Variants in ZNF385B observed in about 807,000 individuals in gnomAD.
ZNF385B encodes the protein zinc finger protein 385B, also known as zinc finger protein 533.
ZNF385B carries 23 observed loss-of-function variants against 39.2 expected under a neutral mutation model. The ratio of observed to expected loss-of-function variants is 0.59; its 90% confidence interval spans 0.42 to 0.83. The LOEUF (loss-of-function observed/expected upper bound fraction) is 0.83. ZNF385B is among the 40% of genes least tolerant of loss of function. The pLI is 0.00. For missense variants in ZNF385B, 552 were observed against 598.9 expected (o/e 0.92, Z 0.82); for synonymous variants, 205 against 222.6 (o/e 0.92, Z 0.70).
chr2:179,841,842 G>A (rs1209205382), intron 1 of ZNF385B, among the ~76,000 whole-genome samples: 1 of 152,200 alleles, frequency 6.6e-6, no homozygotes, highest in African/African-American at 2.4e-5. Context: ...TGATGTCCTA[G>A]AACCAGATGA....
intron 1 of ZNF385B, among the ~76,000 whole-genome samples, chr2:179,807,027 G>A (rs1706395176): frequency 6.6e-6 from 1 of 152,212 alleles, no homozygotes; most frequent in South Asian, 2.1e-4. Context: ...CGGAAGATAT[G>A]TATTCTTAAT....
At chr2:179,678,432 T>C (rs1378930396) in intron 3 of ZNF385B, among the ~76,000 whole-genome samples, 1 of 152,202 alleles carries the variant, frequency 6.6e-6, no homozygotes, top group Non-Finnish European at 1.5e-5. Context: ...GGTACTATAT[T>C]TCCTTAAAGG....
At chr2:179,444,783 T>C (rs2049299085) in intron 9 of ZNF385B, 93 bp downstream of exon 9, 1 of 1,055,226 alleles carries the variant, frequency 9.5e-7, no homozygotes, top group Non-Finnish European at 1.5e-6. Context: ...AAACCTTTCA[T>C]GACATTAGAC....
At chr2:179,488,855 G>A (rs2054902701) in intron 5 of ZNF385B, among the ~76,000 whole-genome samples, 1 of 152,086 alleles carries the variant, frequency 6.6e-6, no homozygotes, top group Non-Finnish European at 1.5e-5. Context: ...ACTAACAAAG[G>A]GGAAACCTGA....
chr2:179,629,328 A>G (rs1271305934), intron 3 of ZNF385B, among the ~76,000 whole-genome samples: 1 of 152,218 alleles, frequency 6.6e-6, no homozygotes, highest in Non-Finnish European at 1.5e-5. Flanking sequence ...AATGTTGCCA[A>G]TTTATTACAG....
chr2:179,622,819 G>C (rs1690326664), intron 3 of ZNF385B, among the ~76,000 whole-genome samples: 1 of 152,196 alleles, frequency 6.6e-6, no homozygotes, highest in African/African-American at 2.4e-5. Flanking sequence ...AGAAGCAGCT[G>C]TAGAGAGGAC....
rs141613824 is a variant in ZNF385B at position 179,493,526 on chromosome 2, T to C, written c.553-10092A>G. 5.3e-3 allele frequency among the ~76,000 whole-genome samples: 802 copies of C among 151,328 alleles called. 11 individuals carry two copies. The highest frequency in any genetic ancestry group is 0.018 in the African/African-American group (757 of 41,314). On this transcript the variant is annotated intron_variant, in intron 5 of 9. Transcript: ENST00000410066. ...ACATATATGCGTATACATATGTGTG[T>C]ACATATATGCGTATACATACGTGTA...
chr2:179,801,376 C>G (rs1375717438), intron 1 of ZNF385B, among the ~76,000 whole-genome samples: 1 of 152,016 alleles, frequency 6.6e-6, no homozygotes, highest in Non-Finnish European at 1.5e-5. Context: ...CAGTAACTTC[C>G]CCTTACCTAG....
chr2:179,477,219 G>T (rs540719804), intron 6 of ZNF385B, among the ~76,000 whole-genome samples: 23 of 152,220 alleles, frequency 1.5e-4, no homozygotes, highest in Non-Finnish European at 2.6e-4. Context: ...TGAGGCGAGG[G>T]TCTCCATTTG....
intron 1 of ZNF385B, among the ~76,000 whole-genome samples, chr2:179,836,913 T>C (rs1575578860): frequency 6.6e-6 from 1 of 152,302 alleles, no homozygotes; most frequent in East Asian, 1.9e-4. Flanking sequence ...GGGAATCCAA[T>C]TGCTGCTTCA....
intron 6 of ZNF385B, among the ~76,000 whole-genome samples, chr2:179,456,239 C>T (rs12693193): frequency 0.3 from 46,134 of 152,014 alleles, 7,356 homozygotes; most frequent in African/African-American, 0.39. Flanking sequence ...GGACAAAGAT[C>T]GTGTACATTT....
At chr2:179,805,207 C>T (rs1223315629) in intron 1 of ZNF385B, among the ~76,000 whole-genome samples, 1 of 152,112 alleles carries the variant, frequency 6.6e-6, no homozygotes, top group Non-Finnish European at 1.5e-5. Flanking sequence ...GGAACCAAGG[C>T]GTACTGGTTA....
chr2:179,776,382 C>T (rs987272995), intron 1 of ZNF385B, among the ~76,000 whole-genome samples: 2 of 152,030 alleles, frequency 1.3e-5, no homozygotes, highest in African/African-American at 4.8e-5. Flanking sequence ...GTAAGCTGAC[C>T]CTTGAAATGG....
intron 3 of ZNF385B, among the ~76,000 whole-genome samples, chr2:179,698,890 C>T (rs1330983616): frequency 6.6e-6 from 1 of 152,176 alleles, no homozygotes; most frequent in Non-Finnish European, 1.5e-5. Context: ...AAAAGATCAT[C>T]TTCTGATCCC....
At chr2:179,446,845 T>C in intron 6 of ZNF385B, 75 bp from the exon 7 acceptor site, 1 of 1,490,706 alleles carries the variant, frequency 6.7e-7, no homozygotes, top group South Asian at 1.4e-5. Flanking sequence ...ATAGATGAAT[T>C]AAAAATAGAA....
chr2:179,625,837 A>G lies in ZNF385B; in HGVS notation c.299-80868T>C, dbSNP rs188822565. Among the ~76,000 whole-genome samples the G allele has an allele frequency of 2.0e-5, 3 of 152,286 alleles. No homozygotes were observed. The East Asian group carries it at 5.8e-4, about 29-fold the overall frequency. ...TGTAGTAAGATCCTTCCTGCCTAAA[A>G]GGATAAAATAAAAACAGACACAAGA... is the stretch of plus-strand genomic sequence containing the variant. On this transcript the variant is annotated intron_variant, in intron 3 of 9. Transcript: ENST00000410066.
At chr2:179,521,792 CT>C (rs2058527874) in intron 4 of ZNF385B, among the ~76,000 whole-genome samples, 1 of 152,168 alleles carries the variant, frequency 6.6e-6, no homozygotes, top group South Asian at 2.1e-4. Flanking sequence ...TTCTTTGCTA[CT>C]TGTCATTAAC....
chr2:179,619,262 T>A (rs1690012875), intron 3 of ZNF385B, among the ~76,000 whole-genome samples: 2 of 152,338 alleles, frequency 1.3e-5, no homozygotes, highest in Admixed American at 1.3e-4. Context: ...ATGAAGCTGA[T>A]AATAGCCAAT....
chr2:179,505,317 G>A (rs9288035), intron 5 of ZNF385B, among the ~76,000 whole-genome samples: 87,505 of 147,750 alleles, frequency 0.59, 26,066 homozygotes, highest in East Asian at 0.91. Flanking sequence ...AAAAAAAAAA[G>A]GAGATTGTTA....
Sources: allele counts gnomAD v4.1 joint callset (sites outside exome capture counted in the v4.1 genomes callset), GRCh38; gene constraint gnomAD v4.1.1; transcripts MANE v1.5; gene names NCBI Gene and HGNC (gene_info 2026-07-23, HGNC 2026-07-21).